Variants in GSDMC observed in about 807,000 individuals in gnomAD.
GSDMC encodes the protein gasdermin C.
In GSDMC, 59 loss-of-function variants were observed where a neutral mutation model predicts 58.0. The ratio of observed to expected loss-of-function variants is 1.02; its 90% CI spans 0.82 to 1.26. The LOEUF (loss-of-function observed/expected upper bound fraction) is 1.26. Ranked by LOEUF, GSDMC falls within the 50% of genes most tolerant of loss-of-function variation. GSDMC has a pLI of 0.00. For synonymous variants in GSDMC, 241 were observed against 220.2 expected (o/e 1.09, Z -0.83); for missense variants, 659 against 598.5 (o/e 1.10, Z -1.06).
At chr8:129,732,852 G>A in the GSDMC span, among the ~76,000 whole-genome samples, 1 of 152,300 alleles carries the variant, frequency 6.6e-6, no homozygotes, top group South Asian at 2.1e-4. Flanking sequence ...GAAGCAGGGT[G>A]GGTCATTGCC....
At chr8:129,775,791 C>T (rs575111692) in intron 3 of GSDMC, among the ~76,000 whole-genome samples, 76 of 152,164 alleles carry the variant, frequency 5.0e-4, no homozygotes, top group African/African-American at 1.7e-3. Context: ...TACTCCCTGC[C>T]CATCCCTTGT....
chr8:129,711,729 A>G, the GSDMC span, among the ~76,000 whole-genome samples: 1 of 152,232 alleles, frequency 6.6e-6, no homozygotes, highest in Non-Finnish European at 1.5e-5. Flanking sequence ...TGACATCTCT[A>G]GGCCACTAGG....
chr8:129,778,342 A>G (rs1000556156), intron 1 of GSDMC, among the ~76,000 whole-genome samples: 2 of 152,220 alleles, frequency 1.3e-5, no homozygotes, highest in African/African-American at 4.8e-5. Flanking sequence ...CCAAGATTGC[A>G]GTGTTGGATG....
intron 1 of GSDMC, among the ~76,000 whole-genome samples, chr8:129,783,248 G>C (rs1196747209): frequency 1.3e-5 from 2 of 148,290 alleles, no homozygotes; most frequent in African/African-American, 4.9e-5. Context: ...TCACTCAATG[G>C]GGGAAAAGAG....
At chr8:129,772,260 C>CAAAAA (rs1161238758) in intron 3 of GSDMC, among the ~76,000 whole-genome samples, 4 of 94,292 alleles carry the variant, frequency 4.2e-5, no homozygotes, top group African/African-American at 7.9e-5. Context: ...GACTCCGTCT[C>CAAAAA]AAAAAAAAAA....
chr8:129,777,234 G>T, intron 2 of GSDMC, 134 bp downstream of exon 2: 1 of 586,978 alleles, frequency 1.7e-6, no homozygotes, highest in South Asian at 2.3e-5. Flanking sequence ...TTCGTTTCTT[G>T]CCCCTTGCCT....
rs114264223 is a variant in GSDMC, at chr8:129,749,505, C to T, written c.1234G>A (p.Asp412Asn). Residue 412 changes from aspartate (D) to asparagine (N), a missense_variant, in exon 13 of 14, where the codon GAT (aspartate) becomes AAT (asparagine). By Grantham distance (23) the Asp-to-Asn change is conservative. Coordinates refer to ENST00000276708, the MANE Select transcript of GSDMC (RefSeq NM_031415.3). ...AIMVLSDFQHDLLACSMEKRI... is the reference protein window; with the variant it reads ...AIMVLSDFQHNLLACSMEKRI... ...TTCTCCATGGAACAGGCCAGCAAAT[C>T]GTGTTGGAAGTCACTCAGCACTGAG... 116 of 1,613,778 alleles carry T rather than the reference C, an allele frequency of 7.2e-5. No homozygotes were observed. The African/African-American group carries it at 1.3e-3, about 18-fold the overall frequency.
Position 129,752,814 on chromosome 8 carries a change from T to G in GSDMC, c.728A>C (p.Glu243Ala). 6.2e-7 allele frequency: 1 copy of G among 1,614,114 alleles called. No homozygotes were observed. The highest frequency in any genetic ancestry group is 8.5e-7 in the Non-Finnish European group (1 of 1,180,000). ...DEQRTFQDEY[E>A]ISEMVGYCAA... Reference sequence around the variant, plus strand: ...ACAGTAGCCTACCATTTCGGAAATTTCGTACTCTTGGGAGAGAGGGAGAGC... The same window carrying G: ...ACAGTAGCCTACCATTTCGGAAATTGCGTACTCTTGGGAGAGAGGGAGAGC... Residue 243 changes from glutamate to alanine, a missense_variant, in exon 7 of 14, where the codon GAA (glutamate) becomes GCA (alanine). By Grantham distance (107) the Glu-to-Ala change is moderately radical (BLOSUM62 -1). Transcript: ENST00000276708.
the GSDMC span, among the ~76,000 whole-genome samples, chr8:129,728,216 G>A: frequency 1.3e-5 from 2 of 152,070 alleles, no homozygotes; most frequent in Non-Finnish European, 2.9e-5. Context: ...TTGGTGCAGG[G>A]GGCCCTCTCT....
At chr8:129,709,667 C>T in the GSDMC span, among the ~76,000 whole-genome samples, 1 of 152,116 alleles carries the variant, frequency 6.6e-6, no homozygotes, top group South Asian at 2.1e-4. Flanking sequence ...TATCTCCACA[C>T]TTCCATCATG....
chr8:129,764,293 C>T (rs2033781119), intron 4 of GSDMC, among the ~76,000 whole-genome samples: 1 of 152,104 alleles, frequency 6.6e-6, no homozygotes, highest in African/African-American at 2.4e-5. Context: ...AGGGATTAAA[C>T]TATCTCTTTG....
chr8:129,739,791 T>C, the GSDMC span, among the ~76,000 whole-genome samples: 3 of 152,206 alleles, frequency 2.0e-5, no homozygotes, highest in African/African-American at 2.4e-5. Context: ...TACTATAGAT[T>C]GTTATTTTAG....
intron 6 of GSDMC, among the ~76,000 whole-genome samples, chr8:129,755,053 A>G (rs893242484): frequency 6.6e-6 from 1 of 152,198 alleles, no homozygotes; most frequent in African/African-American, 2.4e-5. Flanking sequence ...GTTTATCCAA[A>G]GGAATAATAT....
At chr8:129,769,595 C>A (rs951848796) in intron 3 of GSDMC, among the ~76,000 whole-genome samples, 10 of 152,094 alleles carry the variant, frequency 6.6e-5, no homozygotes, top group Admixed American at 1.3e-4. Context: ...TGAACTTCAC[C>A]CTTTTGTCAA....
chr8:129,713,217 G>A, the GSDMC span, among the ~76,000 whole-genome samples: 1 of 152,210 alleles, frequency 6.6e-6, no homozygotes, highest in Non-Finnish European at 1.5e-5. Flanking sequence ...ACCTGACAGA[G>A]ATGTCTCTGA....
At chr8:129,727,388 C>T in the GSDMC span, among the ~76,000 whole-genome samples, 193 of 152,284 alleles carry the variant, frequency 1.3e-3, no homozygotes, top group South Asian at 0.019. Context: ...GAAGGACATT[C>T]CAAATCCCAG....
At chr8:129,751,757 C>A in intron 9 of GSDMC, 105 bp downstream of exon 9, 1 of 1,258,908 alleles carries the variant, frequency 7.9e-7, no homozygotes, top group Admixed American at 1.7e-5. Context: ...AAACGCCAGG[C>A]CCTAGGGCGG....
In GSDMC at chr8:129,781,749, C is replaced by CAA. The variant is rs60219315; in HGVS notation, c.-4-4160_-4-4159dup. On this transcript the variant is annotated intron_variant, in intron 1 of 13. Coordinates refer to ENST00000276708, the MANE Select transcript of GSDMC (RefSeq NM_031415.3). ...TGGGTGACAGAGCGAGACTCCATCT[C>CAA]AAAAAAAAAAAAAAAATAGCTAGAG... Among the ~76,000 whole-genome samples the CAA allele has an allele frequency of 3.3e-3, 423 of 128,866 alleles. 2 individuals carry two copies. Among genetic ancestry groups the CAA allele is most frequent in the African/African-American group, 5.2e-3 (186 of 35,954 alleles). 84.5% of individuals were successfully genotyped at this position (128,866 alleles called of 152,430 possible). A position where few individuals can be genotyped will look rare whatever the true frequency, so the allele number is the denominator to read the frequency against.
intron 3 of GSDMC, among the ~76,000 whole-genome samples, chr8:129,772,636 A>G (rs2034099996): frequency 6.6e-6 from 1 of 152,212 alleles, no homozygotes. Context: ...TAATCAAAAA[A>G]GCTCCGAAAA....
Sources: allele counts gnomAD v4.1 joint callset (sites outside exome capture counted in the v4.1 genomes callset), GRCh38; gene constraint gnomAD v4.1.1; transcripts MANE v1.5; gene names NCBI Gene and HGNC (gene_info 2026-07-23, HGNC 2026-07-21).